Variants in MARK4 observed in about 807,000 individuals in gnomAD.
MARK4 encodes the protein microtubule affinity regulating kinase 4.
MARK4 carries 19 observed loss-of-function variants against 81.5 expected under a neutral mutation model. The observed-to-expected ratio is 0.23, with a 90% CI of 0.16 to 0.34. The LOEUF (loss-of-function observed/expected upper bound fraction) is 0.34, where lower values mean the gene tolerates loss of function less well. Among genes scored for constraint, MARK4 ranks in the 10% least tolerant of loss-of-function variants. The pLI is 1.00. For missense variants in MARK4, 772 were observed against 1,058.8 expected, an observed-to-expected ratio of 0.73 and a Z score of 3.76; for synonymous variants, 436 against 439.0, an observed-to-expected ratio of 0.99 and a Z score of 0.08.
At chr19:45,253,178 G>A (rs140811658) in intron 1 of MARK4, among the ~76,000 whole-genome samples, 1,736 of 139,430 alleles carry the variant, frequency 0.012, 19 homozygotes, top group Non-Finnish European at 0.02. Flanking sequence ...CCTCACCTCC[G>A]ACAGACCCCC....
Position 45,302,282 on chromosome 19 carries a change from A to G in MARK4, c.1923-92A>G, listed in dbSNP as rs111491178. On this transcript the variant is annotated intron_variant, in intron 16 of 16. Transcript: ENST00000262891. The surrounding 1 kb of genome is among the most constrained non-coding windows in gnomAD (Gnocchi z 4.9). ...ATGTTTTTTGAGGGGATGGCTAGGA[A>G]TGTGTCCCGAATTGGGAAGAGTTGT... is the stretch of plus-strand genomic sequence containing the variant. The G allele has an allele frequency of 4.1e-4, 658 of 1,587,648 alleles. 2 individuals carry two copies. The African/African-American group carries it at 7.7e-3, about 18-fold the overall frequency.
chr19:45,286,232 T>A (rs928522805), intron 12 of MARK4, among the ~76,000 whole-genome samples: 4 of 152,020 alleles, frequency 2.6e-5, no homozygotes, highest in Admixed American at 6.5e-5. Context: ...ATTTTTGTAT[T>A]TTTAGTAGAG....
chr19:45,267,838 T>G (rs1970475747), intron 7 of MARK4, among the ~76,000 whole-genome samples: 1 of 151,964 alleles, frequency 6.6e-6, no homozygotes, highest in Non-Finnish European at 1.5e-5. Flanking sequence ...TTTTTGAGTT[T>G]TTTGTAGACA....
intron 1 of MARK4, chr19:45,258,764 T>G: frequency 1.1e-5 from 6 of 533,154 alleles, no homozygotes; most frequent in Admixed American, 3.5e-5. Context: ...GAAGAAGGGG[T>G]GTGATGCCTG....
intron 1 of MARK4, among the ~76,000 whole-genome samples, chr19:45,253,823 C>A (rs1970274410): frequency 6.6e-6 from 1 of 152,144 alleles, no homozygotes; most frequent in Non-Finnish European, 1.5e-5. Context: ...GGGTTCACAT[C>A]CTGTTTCTGT....
rs1351806399 is a variant in MARK4, at chr19:45,266,723, C to T, written c.549+442C>T. 3.4e-5 allele frequency among the ~76,000 whole-genome samples: 5 copies of T among 148,576 alleles called. No individual in the cohort carries two copies. The Admixed American group carries it at 3.4e-4, about 10-fold the overall frequency. ...CACAGGGTCCCAGAGTCACAGGAAT[C>T]TGAGAACTTTTTTTTTTTTTTTTTT... On this transcript the variant is annotated intron_variant, in intron 7 of 16. Coordinates refer to ENST00000262891, the MANE Select transcript of MARK4 (RefSeq NM_001199867.2).
chr19:45,251,866 C>G (rs1451480793), intron 1 of MARK4, among the ~76,000 whole-genome samples: 3 of 151,970 alleles, frequency 2.0e-5, no homozygotes, highest in African/African-American at 7.2e-5. Flanking sequence ...TCTCTTGTCC[C>G]CGTGCAGACC....
At chr19:45,253,915 A>G (rs1434020046) in intron 1 of MARK4, among the ~76,000 whole-genome samples, 76 of 152,154 alleles carry the variant, frequency 5.0e-4, no homozygotes, top group Non-Finnish European at 8.8e-5. Context: ...GGAACGCCTA[A>G]TGAAGACTTG....
intron 3 of MARK4, 58 bp downstream of exon 3, chr19:45,263,224 C>T (rs1970403109): frequency 6.2e-7 from 1 of 1,612,746 alleles, no homozygotes; most frequent in African/African-American, 1.3e-5. Context: ...GCCGGGTGAC[C>T]CACCTGACCC....
At position 45,280,650 on chromosome 19, in the gene MARK4, A is replaced by G. The variant is rs1285949131; in HGVS notation, c.1192A>G (p.Ser398Gly). Residue 398 changes from serine to glycine, a missense_variant, in exon 12 of 17, where the codon AGT becomes GGT. Transcript: ENST00000262891. ...RAPSDTTNGTSSSKGTSHSKG... is the reference protein window; with the variant it reads ...RAPSDTTNGTGSSKGTSHSKG... Reference sequence around the variant, plus strand: ...GCCCAGCGACACCACCAACGGAACAAGTTCCAGCAAAGGCACCAGCCACAG... The same window carrying G: ...GCCCAGCGACACCACCAACGGAACAGGTTCCAGCAAAGGCACCAGCCACAG... The G allele has an allele frequency of 1.2e-6, 2 of 1,614,134 alleles. No homozygotes were observed. Among genetic ancestry groups the G allele is most frequent in the Admixed American group, 3.3e-5 (2 of 60,010 alleles).
intron 2 of MARK4, among the ~76,000 whole-genome samples, chr19:45,261,292 TA>T (rs1487829194): frequency 1.3e-5 from 2 of 152,138 alleles, no homozygotes; most frequent in African/African-American, 4.8e-5. Context: ...AACATAGGTA[TA>T]AAAATCTTAT....
chr19:45,264,978 G>A, intron 6 of MARK4, 68 bp downstream of exon 6: 1 of 1,531,426 alleles, frequency 6.5e-7, no homozygotes, highest in South Asian at 1.1e-5. Flanking sequence ...TGAGAGCTGG[G>A]CATGGTCTGG....
At chr19:45,259,635 T>G (rs748005296) in intron 2 of MARK4, among the ~76,000 whole-genome samples, 3 of 151,650 alleles carry the variant, frequency 2.0e-5, no homozygotes, top group Admixed American at 6.6e-5. Flanking sequence ...ATTAGCTGGG[T>G]GCGGTGGTGT....
intron 2 of MARK4, among the ~76,000 whole-genome samples, chr19:45,260,638 A>C (rs1457907595): frequency 6.6e-6 from 1 of 152,202 alleles, no homozygotes; most frequent in Non-Finnish European, 1.5e-5. Context: ...CGAAGGCCGC[A>C]GTGAGCCGAG....
intron 12 of MARK4, among the ~76,000 whole-genome samples, chr19:45,286,636 C>T (rs779474256): frequency 6.6e-6 from 1 of 151,798 alleles, no homozygotes; most frequent in Non-Finnish European, 1.5e-5. Flanking sequence ...TGGCTTGAGC[C>T]TAGGAGGCCA....
intron 14 of MARK4, among the ~76,000 whole-genome samples, chr19:45,296,495 G>C (rs191242613): frequency 2.0e-5 from 3 of 152,162 alleles, no homozygotes; most frequent in Admixed American, 6.5e-5. Context: ...TTGTAAAGGC[G>C]TCACCCAGAG....
chr19:45,258,318 C>T (rs1970335756), intron 1 of MARK4, among the ~76,000 whole-genome samples: 4 of 152,146 alleles, frequency 2.6e-5, no homozygotes, highest in Non-Finnish European at 1.5e-5. Flanking sequence ...CACTGGGAAT[C>T]CAAAAGATTC....
intron 12 of MARK4, 52 bp downstream of exon 12, chr19:45,280,786 A>G: frequency 6.3e-7 from 1 of 1,599,408 alleles, no homozygotes; most frequent in Non-Finnish European, 8.5e-7. Context: ...CAAGGCCCAG[A>G]CTTACAGTTA....
chr19:45,264,124 G>T (rs1970418014), intron 4 of MARK4, among the ~76,000 whole-genome samples: 1 of 152,138 alleles, frequency 6.6e-6, no homozygotes, highest in Non-Finnish European at 1.5e-5. Context: ...TGGCCGCTAT[G>T]TGCCAGACCC....
Sources: gnomAD v4.1 joint callset for allele counts (sites outside exome capture counted in the v4.1 genomes callset) on GRCh38, gnomAD v4.1.1 for gene constraint, Gnocchi (gnomAD v3.1) non-coding constraint, MANE v1.5 for transcripts, NCBI Gene and HGNC (gene_info 2026-07-23, HGNC 2026-07-21) for gene names.